Variants in ZMIZ1 observed in about 807,000 individuals in gnomAD.
ZMIZ1 encodes the protein zinc finger MIZ-type containing 1, also known as zinc finger MIZ domain-containing protein 1.
In ZMIZ1, 17 loss-of-function variants were observed where a neutral mutation model predicts 113.9. The observed-to-expected ratio is 0.15, with a 90% CI of 0.10 to 0.22. The LOEUF (loss-of-function observed/expected upper bound fraction) is 0.22, where lower values mean the gene tolerates loss of function less well. Among genes scored for constraint, ZMIZ1 ranks in the 10% least tolerant of loss-of-function variants. The pLI is 1.00. For synonymous variants in ZMIZ1, 607 were observed against 603.1 expected, an observed-to-expected ratio of 1.01 and a Z score of -0.09; for missense variants, 1,059 against 1,477.8, an observed-to-expected ratio of 0.72 and a Z score of 4.65.
chr10:79,144,459 C>T (rs1444242871), intron 3 of ZMIZ1, among the ~76,000 whole-genome samples: 1 of 152,172 alleles, frequency 6.6e-6, no homozygotes, highest in African/African-American at 2.4e-5. Flanking sequence ...CCTAGGGCCA[C>T]GCAGCAAGTC....
intron 1 of ZMIZ1, among the ~76,000 whole-genome samples, chr10:79,106,287 G>T (rs1843554983): frequency 6.6e-6 from 1 of 152,228 alleles, no homozygotes; most frequent in African/African-American, 2.4e-5. Context: ...TGTAGTAGTT[G>T]CTCCACTAAC....
intron 3 of ZMIZ1, among the ~76,000 whole-genome samples, chr10:79,144,944 A>C (rs780157): frequency 0.59 from 87,382 of 148,530 alleles, 25,847 homozygotes; most frequent in African/African-American, 0.7. Context: ...TTCTTCATCC[A>C]CTTCGGCTTC....
chr10:79,207,897 T>G (rs1457717577), intron 5 of ZMIZ1, among the ~76,000 whole-genome samples: 3 of 151,366 alleles, frequency 2.0e-5, no homozygotes, highest in African/African-American at 7.3e-5. Context: ...CTGTCCTGGA[T>G]CAGGGAGGGA....
intron 8 of ZMIZ1, among the ~76,000 whole-genome samples, chr10:79,286,623 G>A (rs977518350): frequency 5.9e-5 from 9 of 152,262 alleles, no homozygotes; most frequent in Non-Finnish European, 1.0e-4. Context: ...GCTCTGGGGC[G>A]GCAAACCTTC....
chr10:79,146,760 G>T (rs893681963), intron 3 of ZMIZ1, among the ~76,000 whole-genome samples: 2 of 152,168 alleles, frequency 1.3e-5, no homozygotes, highest in African/African-American at 4.8e-5. Flanking sequence ...TCCCGCTTCC[G>T]CCCCGACTCT....
chr10:79,119,334 A>G (rs1041314110), intron 2 of ZMIZ1, among the ~76,000 whole-genome samples: 3 of 152,216 alleles, frequency 2.0e-5, no homozygotes, highest in Non-Finnish European at 4.4e-5. Context: ...GTCCATGGAA[A>G]TAACAGTAAT....
intron 1 of ZMIZ1, among the ~76,000 whole-genome samples, chr10:79,099,045 A>G (rs943923366): frequency 6.6e-5 from 10 of 152,128 alleles, no homozygotes; most frequent in South Asian, 2.1e-4. Context: ...CAGAATTTCA[A>G]TGTTCCCAGC....
Position 79,118,471 on chromosome 10 carries a change from A to G in ZMIZ1, c.-336-444A>G, listed in dbSNP as rs182189807. Among the ~76,000 whole-genome samples, 293 of 152,290 alleles carry G rather than the reference A, an allele frequency of 1.9e-3. No homozygotes were observed. Among genetic ancestry groups the G allele is most frequent in the Non-Finnish European group, 3.4e-3 (234 of 68,016 alleles). On this transcript the variant is annotated intron_variant, in intron 1 of 24. Transcript: ENST00000334512. This position sits in a 1 kb window ranked among gnomAD's most constrained non-coding sequence, Gnocchi z 4.1. Reference sequence around the variant, plus strand: ...CACAGCCCACTGGAGATGAACAAGCAAGGAGGGGCTGGTGAGAGAGGGCTC... The same window carrying G: ...CACAGCCCACTGGAGATGAACAAGCGAGGAGGGGCTGGTGAGAGAGGGCTC...
At chr10:79,297,524 C>T in intron 13 of ZMIZ1, 89 bp from the exon 14 acceptor site, 1 of 1,136,762 alleles carries the variant, frequency 8.8e-7, no homozygotes, top group Middle Eastern at 1.9e-4. Context: ...CATCCCCGTG[C>T]TCCTGGTAGA....
At chr10:79,238,501 A>G (rs1849686918) in intron 7 of ZMIZ1, among the ~76,000 whole-genome samples, 1 of 152,252 alleles carries the variant, frequency 6.6e-6, no homozygotes, top group African/African-American at 2.4e-5. Context: ...AAATGCTTAC[A>G]AATGCATAGA....
At chr10:79,099,093 C>T (rs1025790261) in intron 1 of ZMIZ1, among the ~76,000 whole-genome samples, 1 of 152,184 alleles carries the variant, frequency 6.6e-6, no homozygotes, top group Non-Finnish European at 1.5e-5. Flanking sequence ...CCCAGCAAGG[C>T]CTGCACCCCC....
chr10:79,173,101 C>T (rs1846673881), intron 4 of ZMIZ1, among the ~76,000 whole-genome samples: 1 of 152,120 alleles, frequency 6.6e-6, no homozygotes, highest in Non-Finnish European at 1.5e-5. Context: ...ACCCTGGGGC[C>T]TGGGCTGCTC....
At chr10:79,303,963 C>T in intron 18 of ZMIZ1, 52 bp from the exon 19 acceptor site, 1 of 1,609,274 alleles carries the variant, frequency 6.2e-7, no homozygotes, top group African/African-American at 1.3e-5. Flanking sequence ...GACCCCCTAC[C>T]TCTGCAGGAC....
chr10:79,311,049 C>T lies in ZMIZ1; in HGVS notation c.2961C>T (p.Ser987=), dbSNP rs199729675. Residue 987 remains serine (S), a synonymous_variant, in exon 24 of 25, where the codon TCC becomes TCT. Coordinates refer to ENST00000334512, the MANE Select transcript of ZMIZ1 (RefSeq NM_020338.4). ...GTGGGGCTCCTCCTCCTCCTCCTTC[C>T]CAGCCTCCCCGGCAGCCGCCACAGG... is the stretch of plus-strand genomic sequence containing the variant. ...HHSGAPPPPP[S]QPPRQPPQAA... 5 of 1,613,662 alleles carry T rather than the reference C, an allele frequency of 3.1e-6. No homozygotes were observed. The highest frequency in any genetic ancestry group is 2.2e-5 in the East Asian group (1 of 44,870).
chr10:79,242,436 A>T (rs1849884832), intron 7 of ZMIZ1, among the ~76,000 whole-genome samples: 1 of 151,990 alleles, frequency 6.6e-6, no homozygotes, highest in Non-Finnish European at 1.5e-5. Flanking sequence ...GTGCCAGGGC[A>T]CCCAGGGTCA....
intron 7 of ZMIZ1, among the ~76,000 whole-genome samples, chr10:79,235,802 T>C (rs983112147): frequency 2.0e-5 from 3 of 152,202 alleles, no homozygotes; most frequent in African/African-American, 7.2e-5. Context: ...GAAGAGCGTA[T>C]CTGCCTAGCA....
At chr10:79,291,423 A>T (rs991279221) in intron 10 of ZMIZ1, among the ~76,000 whole-genome samples, 1 of 152,120 alleles carries the variant, frequency 6.6e-6, no homozygotes, top group Non-Finnish European at 1.5e-5. Context: ...TGACATTCTT[A>T]CTCCTCAAAA....
At chr10:79,168,634 TAAG>T (rs2132522625) in intron 4 of ZMIZ1, among the ~76,000 whole-genome samples, 1 of 152,330 alleles carries the variant, frequency 6.6e-6, no homozygotes, top group Non-Finnish European at 1.5e-5. Flanking sequence ...TGGGCCGTAT[TAAG>T]AAGGATTCGG....
At chr10:79,083,408 T>C (rs559513244) in intron 1 of ZMIZ1, among the ~76,000 whole-genome samples, 1 of 152,036 alleles carries the variant, frequency 6.6e-6, no homozygotes, top group African/African-American at 2.4e-5. Flanking sequence ...TGTGGCTAGA[T>C]GGAGTGAGGG....
Sources: allele counts gnomAD v4.1 joint callset (sites outside exome capture counted in the v4.1 genomes callset), GRCh38; gene constraint gnomAD v4.1.1; non-coding constraint Gnocchi (gnomAD v3.1); transcripts MANE v1.5; gene names NCBI Gene and HGNC (gene_info 2026-07-23, HGNC 2026-07-21).